The following CAMKK1 variants were observed in gnomAD, a reference collection of about 807,000 sequenced individuals.
The protein encoded by CAMKK1 is calcium/calmodulin-dependent protein kinase kinase 1.
Under a neutral mutation model 63.5 loss-of-function variants are expected in CAMKK1, and 20 were observed. That is an observed-to-expected ratio of 0.32 (90% confidence interval 0.22 to 0.46). The LOEUF (loss-of-function observed/expected upper bound fraction) is 0.46, where lower values mean the gene tolerates loss of function less well. Among genes scored for constraint, CAMKK1 ranks in the 20% least tolerant of loss-of-function variants. The pLI is 1.00. For missense variants in CAMKK1, 588 were observed against 658.1 expected (o/e 0.89, Z 1.17); for synonymous variants, 253 against 269.0 (o/e 0.94, Z 0.58).
chr17:3,883,564 G>T lies in CAMKK1; in HGVS notation c.463-84C>A. On this transcript the variant is annotated intron_variant, in intron 4 of 15. Transcript: ENST00000348335. The surrounding 1 kb of genome is among the most constrained non-coding windows in gnomAD (Gnocchi z 4.7). The stretch of plus-strand genomic sequence containing the variant: ...TGGTACATGTGGACTGAGGTCCGGA[G>T]AGGCACACTGGACATCTGCTACTGG... 1 of 1,103,724 alleles carries T rather than the reference G, an allele frequency of 9.1e-7. No homozygotes were observed. The highest frequency in any genetic ancestry group is 1.4e-6 in the Non-Finnish European group (1 of 715,342). The allele number at this position is 1,103,724 out of a possible 1,614,324, so 68.4% of individuals were successfully genotyped here.
rs940952600 is a variant in CAMKK1, at chr17:3,890,303, T to G, written c.-44+2636A>C. ...TGAGGACGCCCGCTCCCACCATCCC[T>G]GGGGAGCCCCCAAGCACCAATACGG... On this transcript the variant is annotated intron_variant, in intron 1 of 15. Transcript: ENST00000348335. This position sits in a 1 kb window ranked among gnomAD's most constrained non-coding sequence, Gnocchi z 6.5. Among the ~76,000 whole-genome samples the G allele has an allele frequency of 1.3e-5, 2 of 152,100 alleles. No individual in the cohort carries two copies. Among genetic ancestry groups the G allele is most frequent in the Admixed American group, 1.3e-4 (2 of 15,272 alleles).
rs563956308 is a variant in CAMKK1, at chr17:3,864,275, C to T, written c.1445+1633G>A. On this transcript the variant is annotated intron_variant, in intron 15 of 15. Transcript: ENST00000348335. Reference sequence around the variant, plus strand: ...TAATTATTATTTTTTGAGACGGAGTCTCACTCTGTCGCCCAGGCTGGAGTG... The same window carrying T: ...TAATTATTATTTTTTGAGACGGAGTTTCACTCTGTCGCCCAGGCTGGAGTG... Among the ~76,000 whole-genome samples the T allele has an allele frequency of 9.9e-5, 15 of 151,928 alleles. No individual in the cohort carries two copies. The South Asian group carries it at 2.9e-3, about 29-fold the overall frequency.
rs1021486338 is a variant in CAMKK1 at position 3,889,791 on chromosome 17, C to G, written c.-44+3148G>C. Among the ~76,000 whole-genome samples, 2 of 152,310 alleles carry G rather than the reference C, an allele frequency of 1.3e-5. No individual in the cohort carries two copies. Among genetic ancestry groups the G allele is most frequent in the East Asian group, 3.9e-4 (2 of 5,184 alleles). On this transcript the variant is annotated intron_variant, in intron 1 of 15. Coordinates refer to ENST00000348335, the MANE Select transcript of CAMKK1 (RefSeq NM_032294.3). This position sits in a 1 kb window ranked among gnomAD's most constrained non-coding sequence, Gnocchi z 5.2. ...GGCCACTCCCAAGGAATGTGGGCCCCCGGCTCCAGACGCCCACTTGGCCTG... is the reference window on the plus strand; with the variant it reads ...GGCCACTCCCAAGGAATGTGGGCCCGCGGCTCCAGACGCCCACTTGGCCTG...
intron 12 of CAMKK1, among the ~76,000 whole-genome samples, chr17:3,871,323 GTTGTTTT>G (rs1400293254): frequency 2.7e-5 from 3 of 112,810 alleles, no homozygotes; most frequent in Admixed American, 9.2e-5. Flanking sequence ...TTTTTTGTTT[GTTGTTTT>G]TTGTTTTTTT....
At position 3,892,002 on chromosome 17, in the gene CAMKK1, G is replaced by C. The variant is rs1043201927; in HGVS notation, c.-44+937C>G. On this transcript the variant is annotated intron_variant, in intron 1 of 15. Coordinates refer to ENST00000348335, the MANE Select transcript of CAMKK1 (RefSeq NM_032294.3). This position sits in a 1 kb window ranked among gnomAD's most constrained non-coding sequence, Gnocchi z 7.5. Reference sequence around the variant, plus strand: ...AGAGTGTGTGCGCCTGGGACGCAGTGGGGGGTCAATTTGTATGTACTGGAG... The same window carrying C: ...AGAGTGTGTGCGCCTGGGACGCAGTCGGGGGTCAATTTGTATGTACTGGAG... 2.0e-5 allele frequency among the ~76,000 whole-genome samples: 3 copies of C among 152,092 alleles called. No homozygotes were observed. The highest frequency in any genetic ancestry group is 7.2e-5 in the African/African-American group (3 of 41,392).
intron 1 of CAMKK1, among the ~76,000 whole-genome samples, chr17:3,891,465 G>A (rs970150747): frequency 2.0e-5 from 3 of 152,214 alleles, no homozygotes; most frequent in South Asian, 2.1e-4. Flanking sequence ...CCTGAAGGAA[G>A]GAAGGGGCAG....
chr17:3,888,228 G>GT (rs1255760255), intron 1 of CAMKK1, among the ~76,000 whole-genome samples: 1 of 152,202 alleles, frequency 6.6e-6, no homozygotes, highest in African/African-American at 2.4e-5. Flanking sequence ...TAAAATTTGC[G>GT]TATTTCCTTG....
In CAMKK1 at chr17:3,884,999, G is replaced by T. The variant is rs931760419; in HGVS notation, c.360+329C>A. On this transcript the variant is annotated intron_variant, in intron 2 of 15. Transcript: ENST00000348335. This position sits in a 1 kb window ranked among gnomAD's most constrained non-coding sequence, Gnocchi z 4.5. Reference sequence around the variant, plus strand: ...TCTAAGAGGCAGAATTAGAGGCGAGGGGTGCAAGCTGGAGAAGAGTTAGGG... The same window carrying T: ...TCTAAGAGGCAGAATTAGAGGCGAGTGGTGCAAGCTGGAGAAGAGTTAGGG... Among the ~76,000 whole-genome samples, 2 of 152,222 alleles carry T rather than the reference G, an allele frequency of 1.3e-5. No homozygotes were observed. The highest frequency in any genetic ancestry group is 6.5e-5 in the Admixed American group (1 of 15,290).
At chr17:3,873,184 C>T (rs2054971623) in intron 11 of CAMKK1, among the ~76,000 whole-genome samples, 4 of 152,204 alleles carry the variant, frequency 2.6e-5, no homozygotes, top group Admixed American at 2.0e-4. Context: ...GCAACACCAT[C>T]GTCGGCACCT....
At chr17:3,866,223 TGAG>T (rs1261442105) in intron 14 of CAMKK1, among the ~76,000 whole-genome samples, 3 of 152,004 alleles carry the variant, frequency 2.0e-5, no homozygotes, top group Admixed American at 6.6e-5. Context: ...CACTGGTACA[TGAG>T]GAGGGGGCCG....
In CAMKK1 at chr17:3,867,969, G is replaced by A. The variant is rs139005172; in HGVS notation, c.1341+1518C>T. ...CAGGCACTGTCTAATGGATACGCAG[G>A]ATCTGGGGGAGATGCAGGCACCGTC... On this transcript the variant is annotated intron_variant, in intron 14 of 15. Transcript: ENST00000348335. Among the ~76,000 whole-genome samples, 73 of 140,896 alleles carry A rather than the reference G, an allele frequency of 5.2e-4. 10 individuals carry two copies. Among genetic ancestry groups the A allele is most frequent in the African/African-American group, 1.9e-3 (71 of 36,704 alleles). 92.4% of individuals were successfully genotyped at this position (140,896 alleles called of 152,430 possible).
At chr17:3,871,461 TCTC>T (rs2054867408) in intron 12 of CAMKK1, among the ~76,000 whole-genome samples, 1 of 149,662 alleles carries the variant, frequency 6.7e-6, no homozygotes, top group Admixed American at 6.7e-5. Context: ...TTCACGCCGT[TCTC>T]CTGCCTCAGC....
intron 11 of CAMKK1, among the ~76,000 whole-genome samples, chr17:3,873,080 T>C (rs1375293124): frequency 1.3e-5 from 2 of 152,146 alleles, no homozygotes; most frequent in African/African-American, 2.4e-5. Context: ...AAGGACAATT[T>C]GTCGAATAAA....
chr17:3,891,361 G>C (rs113144899), intron 1 of CAMKK1, among the ~76,000 whole-genome samples: 6 of 152,346 alleles, frequency 3.9e-5, no homozygotes, highest in African/African-American at 1.4e-4. Context: ...GAAAAATACA[G>C]CCGAGTAAGA....
At position 3,879,099 on chromosome 17, in the gene CAMKK1, CCCCTGCGCCTGG is replaced by C. The variant is rs1292614357; in HGVS notation, c.796+1235_796+1246del. On this transcript the variant is annotated intron_variant, in intron 9 of 15. Coordinates refer to ENST00000348335, the MANE Select transcript of CAMKK1 (RefSeq NM_032294.3). The surrounding 1 kb of genome is among the most constrained non-coding windows in gnomAD (Gnocchi z 4.5). ...AAAGTGCTGGGATTACAGGCATGAG[CCCCTGCGCCTGG>C]CCCAAGCTAAGATTTTAGAGATGGG... 2 of 152,408 alleles carry C rather than the reference CCCCTGCGCCTGG, an allele frequency of 1.3e-5. No individual in the cohort carries two copies. The highest frequency in any genetic ancestry group is 2.9e-5 in the Non-Finnish European group (2 of 68,222). 9.4% of individuals were successfully genotyped at this position (152,408 alleles called of 1,614,324 possible).
rs1461282985 is a variant in CAMKK1, at chr17:3,892,251, C to T, written c.-44+688G>A. 6.6e-6 allele frequency among the ~76,000 whole-genome samples: 1 copy of T among 152,126 alleles called. No homozygotes were observed. The highest frequency in any genetic ancestry group is 1.5e-5 in the Non-Finnish European group (1 of 68,002). On this transcript the variant is annotated intron_variant, in intron 1 of 15. Transcript: ENST00000348335. The surrounding 1 kb of genome is among the most constrained non-coding windows in gnomAD (Gnocchi z 7.5). ...CGCCCGTGTCCGCGTGACCCGCCCT[C>T]ACACACCACTCCATCCTGTCCTGCA... is the stretch of plus-strand genomic sequence containing the variant.
chr17:3,870,534 T>C (rs1283803741), intron 12 of CAMKK1, among the ~76,000 whole-genome samples: 1 of 151,884 alleles, frequency 6.6e-6, no homozygotes, highest in Non-Finnish European at 1.5e-5. Flanking sequence ...CCCGGCTAAT[T>C]TTTTGTATTT....
rs1567613041 is a variant in CAMKK1 at position 3,868,084 on chromosome 17, C to CACA, written c.1341+1402_1341+1403insTGT. Among the ~76,000 whole-genome samples the CACA allele has an allele frequency of 1.8e-4, 16 of 91,356 alleles. 2 individuals carry two copies. Among genetic ancestry groups the CACA allele is most frequent in the South Asian group, 3.5e-4 (1 of 2,836 alleles). 59.9% of individuals were successfully genotyped at this position (91,356 alleles called of 152,430 possible). The stretch of plus-strand genomic sequence containing the variant: ...AGAAGCAGGCGCAGTCTAACTGATA[C>CACA]GTGGGCTCTGGGGGAGAAGCAGGCG... On this transcript the variant is annotated intron_variant, in intron 14 of 15. Transcript: ENST00000348335.
rs1445828380 is a variant in CAMKK1 at position 3,889,039 on chromosome 17, G to A, written c.-43-3309C>T. 5.3e-5 allele frequency among the ~76,000 whole-genome samples: 8 copies of A among 152,120 alleles called. No individual in the cohort carries two copies. The highest frequency in any genetic ancestry group is 2.9e-5 in the Non-Finnish European group (2 of 67,994). The stretch of plus-strand genomic sequence containing the variant: ...CGCCTGTGTGCCTGCAGGTCTCCGT[G>A]TACCTATGCCCAGGGTAGGGGGGTG... On this transcript the variant is annotated intron_variant, in intron 1 of 15. Transcript: ENST00000348335. This position sits in a 1 kb window ranked among gnomAD's most constrained non-coding sequence, Gnocchi z 5.2.
Sources: gnomAD v4.1 joint callset for allele counts (sites outside exome capture counted in the v4.1 genomes callset) on GRCh38, gnomAD v4.1.1 for gene constraint, Gnocchi (gnomAD v3.1) non-coding constraint, MANE v1.5 for transcripts, NCBI Gene and HGNC (gene_info 2026-07-23, HGNC 2026-07-21) for gene names.